Variants in GCH1 observed in about 807,000 individuals in gnomAD.
GCH1 encodes GTP cyclohydrolase 1, also known as GTP cyclohydrolase I.
GCH1 carries 5 observed loss-of-function variants against 25.9 expected under a neutral mutation model. The ratio of observed to expected loss-of-function variants is 0.19; its 90% CI spans 0.10 to 0.41. The LOEUF is 0.41. Among genes scored for constraint, GCH1 ranks in the 10% least tolerant of loss-of-function variants. GCH1 has a pLI of 1.00. For missense variants in GCH1, 261 were observed against 336.5 expected, an observed-to-expected ratio of 0.78 and a Z score of 1.75; for synonymous variants, 159 against 129.6, an observed-to-expected ratio of 1.23 and a Z score of -1.54.
At position 54,902,448 on chromosome 14, in the gene GCH1, T is replaced by G. The variant is rs138659971; in HGVS notation, c.216A>C (p.Ala72=). 2.5e-6 allele frequency: 4 copies of G among 1,612,718 alleles called. No homozygotes were observed. In the African/African-American group the frequency reaches 5.3e-5, roughly 22 times the overall value. ...EDNELNLPNL[A]AAYSSILSSL... is the part of the protein sequence containing the mutation. Reference sequence around the variant, plus strand: ...AGCTCAGGATGGACGAGTAGGCGGCTGCCAGGTTAGGGAGGTTCAGCTCGT... The same window carrying G: ...AGCTCAGGATGGACGAGTAGGCGGCGGCCAGGTTAGGGAGGTTCAGCTCGT... Residue 72 remains alanine, a synonymous_variant, in exon 1 of 6, where the codon GCA becomes GCC. Transcript: ENST00000491895.
chr14:54,859,984 G>A (rs1481050821), intron 2 of GCH1, among the ~76,000 whole-genome samples: 1 of 152,166 alleles, frequency 6.6e-6, no homozygotes, highest in Non-Finnish European at 1.5e-5. Context: ...TAACAAACTT[G>A]TACAGTTGTC....
At chr14:54,862,202 T>TA (rs2039907443) in intron 2 of GCH1, among the ~76,000 whole-genome samples, 3 of 151,778 alleles carry the variant, frequency 2.0e-5, no homozygotes, top group Admixed American at 6.6e-5. Flanking sequence ...CCAATTAATT[T>TA]TAAAAAAAAA....
chr14:54,861,321 T>G (rs1222548312), intron 2 of GCH1, among the ~76,000 whole-genome samples: 2 of 152,222 alleles, frequency 1.3e-5, no homozygotes, highest in African/African-American at 4.8e-5. Flanking sequence ...AACTTTCCCA[T>G]GAACCAAGGT....
chr14:54,897,829 C>G (rs142110185), intron 1 of GCH1, among the ~76,000 whole-genome samples: 1 of 152,290 alleles, frequency 6.6e-6, no homozygotes, highest in African/African-American at 2.4e-5. Flanking sequence ...GACCATCCAA[C>G]GTAAAGCTTT....
Position 54,898,607 on chromosome 14 carries a change from A to T in GCH1, c.343+3714T>A, listed in dbSNP as rs181512780. On this transcript the variant is annotated intron_variant, in intron 1 of 5. Transcript: ENST00000491895. ...TATACCTTTTTCTATTTTTAATTTT[A>T]ATTTTTATTTTTATTTATTTATTTA... Among the ~76,000 whole-genome samples, 878 of 152,128 alleles carry T rather than the reference A, an allele frequency of 5.8e-3. 5 individuals carry two copies. The highest frequency in any genetic ancestry group is 8.2e-3 in the Non-Finnish European group (557 of 67,998).
At chr14:54,849,473 T>G (rs531647944) in intron 3 of GCH1, among the ~76,000 whole-genome samples, 3 of 152,366 alleles carry the variant, frequency 2.0e-5, no homozygotes, top group South Asian at 2.1e-4. Flanking sequence ...ACCAATTCAG[T>G]GTAACTGCTG....
intron 3 of GCH1, among the ~76,000 whole-genome samples, chr14:54,857,177 T>G (rs757405261): frequency 2.0e-5 from 3 of 152,234 alleles, no homozygotes; most frequent in Admixed American, 2.0e-4. Flanking sequence ...TTTGGCTTCA[T>G]GTTCCATTTT....
Position 54,843,782 on chromosome 14 carries a change from A to G in GCH1, c.*235T>C, listed in dbSNP as rs759806171. 16 of 1,613,994 alleles carry G rather than the reference A, an allele frequency of 9.9e-6. No homozygotes were observed. Among genetic ancestry groups the G allele is most frequent in the African/African-American group, 1.3e-5 (1 of 74,930 alleles). On this transcript the variant is annotated 3_prime_UTR_variant, in exon 6 of 6. Transcript: ENST00000491895. Reference sequence around the variant, plus strand: ...GCAGTGGTTTTGTGCACGTACTTACACTATTAGCAGTTCACTTTAATATTG... The same window carrying G: ...GCAGTGGTTTTGTGCACGTACTTACGCTATTAGCAGTTCACTTTAATATTG...
At chr14:54,875,004 C>T (rs561257743) in intron 1 of GCH1, among the ~76,000 whole-genome samples, 45 of 152,142 alleles carry the variant, frequency 3.0e-4, no homozygotes, top group South Asian at 1.9e-3. Context: ...AAAAAGAGAC[C>T]GCATTGCCAA....
chr14:54,881,783 A>C (rs1176214568), intron 1 of GCH1, among the ~76,000 whole-genome samples: 3 of 152,178 alleles, frequency 2.0e-5, no homozygotes, highest in African/African-American at 7.2e-5. Flanking sequence ...GGAAATTTTC[A>C]CTCCATCTTT....
chr14:54,850,000 A>G (rs2140048241), intron 3 of GCH1, among the ~76,000 whole-genome samples: 1 of 151,764 alleles, frequency 6.6e-6, no homozygotes, highest in South Asian at 2.1e-4. Flanking sequence ...TTTGGCACGG[A>G]GTCTTGCTCT....
chr14:54,879,632 G>A (rs1201567281), intron 1 of GCH1, among the ~76,000 whole-genome samples: 1 of 152,070 alleles, frequency 6.6e-6, no homozygotes, highest in Non-Finnish European at 1.5e-5. Flanking sequence ...GATATGTAGA[G>A]TATGAGCCAT....
At chr14:54,869,008 G>A (rs987707530) in intron 1 of GCH1, among the ~76,000 whole-genome samples, 3 of 151,838 alleles carry the variant, frequency 2.0e-5, no homozygotes, top group Non-Finnish European at 4.4e-5. Context: ...CAAGTAGCTG[G>A]GACTACAGGC....
chr14:54,876,671 C>CATA (rs916551819), intron 1 of GCH1, among the ~76,000 whole-genome samples: 12 of 151,752 alleles, frequency 7.9e-5, no homozygotes, highest in South Asian at 2.1e-4. Flanking sequence ...CTCTAAAAAT[C>CATA]ATAATAATAA....
At chr14:54,885,936 C>A in intron 1 of GCH1, 1 of 219,186 alleles carries the variant, frequency 4.6e-6, no homozygotes, top group Non-Finnish European at 9.2e-6. Context: ...AAGCTTACAG[C>A]AGTTCACACA....
At chr14:54,891,417 TTTTTTTTTTTTAA>T (rs2040421610) in intron 1 of GCH1, among the ~76,000 whole-genome samples, 1 of 149,108 alleles carries the variant, frequency 6.7e-6, no homozygotes, top group Non-Finnish European at 1.5e-5. Flanking sequence ...TTTTTTTTTT[TTTTTTTTTTTTAA>T]ACAGAGTCTC....
chr14:54,888,308 G>T (rs1249592135), intron 1 of GCH1, among the ~76,000 whole-genome samples: 1 of 152,126 alleles, frequency 6.6e-6, no homozygotes, highest in Non-Finnish European at 1.5e-5. Flanking sequence ...AGTCAACAGA[G>T]TGAGCGATGA....
At chr14:54,845,236 T>A (rs1427413409) in intron 5 of GCH1, among the ~76,000 whole-genome samples, 5 of 151,206 alleles carry the variant, frequency 3.3e-5, no homozygotes. Flanking sequence ...TCCTAGCACT[T>A]TGGGAGGCCG....
chr14:54,889,062 G>A (rs1350738227), intron 1 of GCH1, among the ~76,000 whole-genome samples: 1 of 152,202 alleles, frequency 6.6e-6, no homozygotes, highest in Non-Finnish European at 1.5e-5. Flanking sequence ...CCTCCGTGGA[G>A]GCAAAGCCTG....
Sources: allele counts gnomAD v4.1 joint callset (sites outside exome capture counted in the v4.1 genomes callset), GRCh38; gene constraint gnomAD v4.1.1; transcripts MANE v1.5; gene names NCBI Gene and HGNC (gene_info 2026-07-23, HGNC 2026-07-21).